Variants in ELL observed in about 807,000 individuals in gnomAD.
ELL encodes the protein elongation factor for RNA polymerase II, also known as RNA polymerase II elongation factor ELL.
Under a neutral mutation model 64.0 loss-of-function variants are expected in ELL, and 18 were observed. The ratio of observed to expected loss-of-function variants is 0.28; its 90% CI spans 0.19 to 0.42. The LOEUF is 0.42. Among genes scored for constraint, ELL ranks in the 10% least tolerant of loss-of-function variants. The pLI is 1.00. For synonymous variants in ELL, 399 were observed against 376.2 expected, an observed-to-expected ratio of 1.06 and a Z score of -0.70; for missense variants, 797 against 870.4, an observed-to-expected ratio of 0.92 and a Z score of 1.06.
chr19:18,470,166 T>C (rs1347008519), intron 2 of ELL, among the ~76,000 whole-genome samples: 1 of 152,252 alleles, frequency 6.6e-6, no homozygotes, highest in Non-Finnish European at 1.5e-5. Flanking sequence ...GGAGGTTAGC[T>C]GTGTAGCCAC....
chr19:18,517,440 A>G (rs1385837869), intron 1 of ELL, among the ~76,000 whole-genome samples: 2 of 151,870 alleles, frequency 1.3e-5, no homozygotes, highest in Non-Finnish European at 2.9e-5. Context: ...TAGTAGAGAC[A>G]GGTTTTCACC....
At chr19:18,465,653 CCCA>C in intron 3 of ELL, 78 bp from the exon 4 acceptor site, 1 of 1,479,966 alleles carries the variant, frequency 6.8e-7, no homozygotes, top group Non-Finnish European at 9.0e-7. Flanking sequence ...AAGCCCCCAG[CCCA>C]CCACCTGGCC....
In ELL at chr19:18,472,886, T is replaced by TAAAAAAAAAACA; in HGVS notation, c.136-5_136-4insTGTTTTTTTTTT. 8.2e-7 allele frequency: 1 copy of TAAAAAAAAAACA among 1,213,072 alleles called. No individual in the cohort carries two copies. The highest frequency in any genetic ancestry group is 1.0e-6 in the Non-Finnish European group (1 of 961,858). 75.1% of individuals were successfully genotyped at this position (1,213,072 alleles called of 1,614,324 possible). On this transcript the variant is annotated splice_region_variant and splice_polypyrimidine_tract_variant and intron_variant, in intron 1 of 11. Transcript: ENST00000262809. Reference sequence around the variant, plus strand: ...ATGGCCTCAGTGAAACAGAATCCTATAAAAAAAAAAAAAAAAAAAAAAAGG... The same window carrying TAAAAAAAAAACA: ...ATGGCCTCAGTGAAACAGAATCCTATAAAAAAAAAACAAAAAAAAAAAAAAAAAAAAAAAAGG...
chr19:18,499,251 G>A (rs1379591952), intron 1 of ELL, among the ~76,000 whole-genome samples: 2 of 152,136 alleles, frequency 1.3e-5, no homozygotes, highest in African/African-American at 4.8e-5. Flanking sequence ...CTATCTTGGG[G>A]CCCAAGAACT....
intron 1 of ELL, among the ~76,000 whole-genome samples, chr19:18,508,577 C>A (rs1474927794): frequency 1.3e-5 from 2 of 151,978 alleles, no homozygotes; most frequent in Non-Finnish European, 1.5e-5. Flanking sequence ...GGCCTGGGAG[C>A]CCAAGGCCCG....
At chr19:18,446,862 T>C (rs758845876) in intron 8 of ELL, 48 bp from the exon 9 acceptor site, 1 of 1,606,618 alleles carries the variant, frequency 6.2e-7, no homozygotes, top group South Asian at 1.1e-5. Flanking sequence ...ATGGCACCGG[T>C]CGGCAGGAAG....
At chr19:18,453,710 A>AC (rs907298177) in intron 6 of ELL, among the ~76,000 whole-genome samples, 48 of 152,260 alleles carry the variant, frequency 3.2e-4, no homozygotes, top group Admixed American at 2.7e-3. Flanking sequence ...AGAGCACAAC[A>AC]CCATGCCTGG....
chr19:18,444,715 C>T lies in ELL; in HGVS notation c.*37G>A. Reference sequence around the variant, plus strand: ...ATCCTCTCTCACCGCCTTTTGCTCCCCCGACCCTCCCAGATCCCCGCCATC... The same window carrying T: ...ATCCTCTCTCACCGCCTTTTGCTCCTCCGACCCTCCCAGATCCCCGCCATC... On this transcript the variant is annotated 3_prime_UTR_variant, in exon 12 of 12. Transcript: ENST00000262809. 1.9e-6 allele frequency: 3 copies of T among 1,560,672 alleles called. No individual in the cohort carries two copies. In the South Asian group the frequency reaches 3.4e-5, roughly 18 times the overall value.
rs1313446188 is a variant in ELL, at chr19:18,522,025, C to T, written c.31G>A (p.Gly11Arg). 4 of 1,610,456 alleles carry T rather than the reference C, an allele frequency of 2.5e-6. No homozygotes were observed. Among genetic ancestry groups the T allele is most frequent in the East Asian group, 2.3e-5 (1 of 44,380 alleles). The stretch of plus-strand genomic sequence containing the variant: ...TCGCTAACCCGCCCGCACGACAGCC[C>T]GTAGCTCCTATCCTCCTTCAGCGCC... Reference protein sequence around the residue: MAALKEDRSYGLSCGRVSDGS... With the variant: MAALKEDRSYRLSCGRVSDGS... Residue 11 changes from glycine (G) to arginine (R), a missense_variant, in exon 1 of 12, where the codon GGG (glycine) becomes AGG (arginine). Gly to Arg is a moderately radical substitution (Grantham distance 125). Coordinates refer to ENST00000262809, the MANE Select transcript of ELL (RefSeq NM_006532.4).
chr19:18,484,671 CG>C (rs1242080461), intron 1 of ELL, among the ~76,000 whole-genome samples: 1 of 152,082 alleles, frequency 6.6e-6, no homozygotes, highest in Admixed American at 6.5e-5. Context: ...ATAACAAAAC[CG>C]GCAAGGAAGC....
chr19:18,464,909 C>T (rs775672787), intron 4 of ELL, among the ~76,000 whole-genome samples: 5 of 152,212 alleles, frequency 3.3e-5, no homozygotes, highest in African/African-American at 7.2e-5. Context: ...AGTGCTGGGT[C>T]GCTGGCAACA....
intron 4 of ELL, among the ~76,000 whole-genome samples, chr19:18,464,490 T>C (rs1974895480): frequency 6.6e-6 from 1 of 151,840 alleles, no homozygotes; most frequent in Non-Finnish European, 1.5e-5. Flanking sequence ...TCCCTGGCCA[T>C]ACAACATGTC....
intron 1 of ELL, among the ~76,000 whole-genome samples, chr19:18,502,766 T>C (rs942395489): frequency 2.0e-5 from 3 of 152,324 alleles, no homozygotes; most frequent in Non-Finnish European, 4.4e-5. Context: ...TGGGTTAGTG[T>C]TCTGCAAAGA....
At chr19:18,458,824 G>A (rs1371505162) in intron 5 of ELL, among the ~76,000 whole-genome samples, 2 of 151,904 alleles carry the variant, frequency 1.3e-5, no homozygotes, top group Non-Finnish European at 2.9e-5. Flanking sequence ...ATGGGATCTC[G>A]CTATGTTGTC....
intron 1 of ELL, among the ~76,000 whole-genome samples, chr19:18,504,979 G>T (rs1600497698): frequency 6.6e-6 from 1 of 152,214 alleles, no homozygotes; most frequent in East Asian, 1.9e-4. Context: ...AAAAACTCTT[G>T]CCTTGTGGAG....
chr19:18,478,037 G>T (rs1975216509), intron 1 of ELL, among the ~76,000 whole-genome samples: 1 of 152,142 alleles, frequency 6.6e-6, no homozygotes, highest in Non-Finnish European at 1.5e-5. Flanking sequence ...GGCCCAGGAG[G>T]TGAGTGTCGG....
chr19:18,472,696 C>T, intron 2 of ELL, 139 bp downstream of exon 2: 1 of 1,058,748 alleles, frequency 9.4e-7, no homozygotes, highest in Non-Finnish European at 1.4e-6. Context: ...ATCCTGGGGG[C>T]CTAGAACCCA....
intron 1 of ELL, among the ~76,000 whole-genome samples, chr19:18,487,563 C>T (rs757012486): frequency 3.3e-4 from 50 of 152,234 alleles, no homozygotes; most frequent in Non-Finnish European, 6.0e-4. Flanking sequence ...GATGTGGCCA[C>T]GGCCAGGCTG....
intron 5 of ELL, among the ~76,000 whole-genome samples, chr19:18,459,204 G>A (rs1032563759): frequency 6.6e-6 from 1 of 152,108 alleles, no homozygotes; most frequent in Non-Finnish European, 1.5e-5. Context: ...ACAACTCCCA[G>A]GGAAGAGTCA....
Sources: gnomAD v4.1 joint callset for allele counts (sites outside exome capture counted in the v4.1 genomes callset) on GRCh38, gnomAD v4.1.1 for gene constraint, MANE v1.5 for transcripts, NCBI Gene and HGNC (gene_info 2026-07-23, HGNC 2026-07-21) for gene names.